FBXL7: variants seen among roughly 807,000 people sequenced by gnomAD.
The protein encoded by FBXL7 is F-box and leucine rich repeat protein 7.
In FBXL7, 12 loss-of-function variants were observed where a neutral mutation model predicts 38.3. The ratio of observed to expected loss-of-function variants is 0.31; its 90% confidence interval spans 0.20 to 0.51. The LOEUF (loss-of-function observed/expected upper bound fraction) is 0.51, where lower values mean the gene tolerates loss of function less well. Ranked by LOEUF, FBXL7 falls within the 20% of genes least tolerant of loss-of-function variation. The pLI is 0.98. For missense variants in FBXL7, 567 were observed against 676.4 expected (o/e 0.84, Z 1.79); for synonymous variants, 297 against 300.9 (o/e 0.99, Z 0.13).
intron 2 of FBXL7, among the ~76,000 whole-genome samples, chr5:15,628,284 T>A (rs1486709525): frequency 6.6e-6 from 1 of 152,162 alleles, no homozygotes; most frequent in Non-Finnish European, 1.5e-5. Context: ...ACCAGATTTC[T>A]CTGCCCAGAA....
intron 2 of FBXL7, among the ~76,000 whole-genome samples, chr5:15,804,302 T>C (rs1737647569): frequency 1.3e-5 from 2 of 151,726 alleles, no homozygotes; most frequent in Non-Finnish European, 2.9e-5. Flanking sequence ...ACCCCATCTT[T>C]ACAAAAAAAT....
intron 2 of FBXL7, among the ~76,000 whole-genome samples, chr5:15,624,499 A>G (rs1263177403): frequency 1.3e-5 from 2 of 152,214 alleles, no homozygotes; most frequent in African/African-American, 2.4e-5. Context: ...ACTCTAGTGT[A>G]TTGACTTTGG....
At chr5:15,517,719 G>A (rs1253809633) in intron 1 of FBXL7, among the ~76,000 whole-genome samples, 3 of 152,202 alleles carry the variant, frequency 2.0e-5, no homozygotes, top group Non-Finnish European at 4.4e-5. Context: ...GTGGATTACA[G>A]GAGTTAAGGG....
At chr5:15,826,779 G>A (rs1371173849) in intron 2 of FBXL7, among the ~76,000 whole-genome samples, 5 of 152,110 alleles carry the variant, frequency 3.3e-5, no homozygotes, top group African/African-American at 4.8e-5. Flanking sequence ...AGACCTAGTC[G>A]TATGCCTAGG....
At chr5:15,789,161 T>C (rs1254101169) in intron 2 of FBXL7, among the ~76,000 whole-genome samples, 1 of 152,142 alleles carries the variant, frequency 6.6e-6, no homozygotes, top group Non-Finnish European at 1.5e-5. Context: ...ATGGCACCTC[T>C]TTAAAAAGGT....
intron 2 of FBXL7, among the ~76,000 whole-genome samples, chr5:15,647,172 A>G (rs1359531715): frequency 6.6e-6 from 1 of 152,234 alleles, no homozygotes; most frequent in Non-Finnish European, 1.5e-5. Flanking sequence ...GTCAGTCATT[A>G]ACATTTATTT....
chr5:15,589,187 G>A (rs1429757276), intron 1 of FBXL7, among the ~76,000 whole-genome samples: 1 of 152,154 alleles, frequency 6.6e-6, no homozygotes, highest in African/African-American at 2.4e-5. Context: ...TTTCTGCCTG[G>A]ACACTGTGGA....
At chr5:15,626,543 C>CGTGTGTGTGTGTGTGT (rs1554010324) in intron 2 of FBXL7, among the ~76,000 whole-genome samples, 16 of 103,672 alleles carry the variant, frequency 1.5e-4, no homozygotes, top group Middle Eastern at 5.6e-3. Context: ...AAATTCGTTT[C>CGTGTGTGTGTGTGTGT]CTGTGTGTGT....
chr5:15,525,301 A>C (rs1050088630), intron 1 of FBXL7, among the ~76,000 whole-genome samples: 12 of 152,176 alleles, frequency 7.9e-5, no homozygotes, highest in Non-Finnish European at 1.6e-4. Flanking sequence ...CAATACTGGG[A>C]AGGCATCTGT....
At chr5:15,522,839 T>TA (rs1346319872) in intron 1 of FBXL7, among the ~76,000 whole-genome samples, 1 of 152,212 alleles carries the variant, frequency 6.6e-6, no homozygotes, top group African/African-American at 2.4e-5. Context: ...GTATAATTCT[T>TA]ACAACATTCT....
At chr5:15,626,779 C>A (rs1288042805) in intron 2 of FBXL7, among the ~76,000 whole-genome samples, 1 of 152,166 alleles carries the variant, frequency 6.6e-6, no homozygotes, top group Non-Finnish European at 1.5e-5. Flanking sequence ...CATTGTATTT[C>A]AGCCATAGAC....
At chr5:15,505,491 G>A (rs2126346724) in intron 1 of FBXL7, among the ~76,000 whole-genome samples, 2 of 152,214 alleles carry the variant, frequency 1.3e-5, no homozygotes, top group African/African-American at 4.8e-5. Flanking sequence ...AACAGATGAA[G>A]GTCCTGTCCT....
intron 2 of FBXL7, among the ~76,000 whole-genome samples, chr5:15,765,571 T>C (rs944758868): frequency 6.6e-6 from 1 of 152,202 alleles, no homozygotes; most frequent in Non-Finnish European, 1.5e-5. Context: ...GCAAGAAACT[T>C]TCTAAAGAAG....
At chr5:15,554,013 A>T (rs1738161254) in intron 1 of FBXL7, among the ~76,000 whole-genome samples, 1 of 152,214 alleles carries the variant, frequency 6.6e-6, no homozygotes, top group South Asian at 2.1e-4. Flanking sequence ...TCACCAGGAA[A>T]AGTGCAGAAA....
intron 2 of FBXL7, among the ~76,000 whole-genome samples, chr5:15,830,424 C>T (rs966257846): frequency 8.6e-5 from 13 of 151,324 alleles, no homozygotes; most frequent in African/African-American, 3.2e-4. Context: ...GCAGAGGTTG[C>T]AGTGAGCCGA....
chr5:15,658,467 G>A (rs1201316005), intron 2 of FBXL7, among the ~76,000 whole-genome samples: 1 of 152,082 alleles, frequency 6.6e-6, no homozygotes, highest in East Asian at 1.9e-4. Context: ...GTGAGTTCTT[G>A]GGAGATCTGA....
chr5:15,918,285 AAG>A (rs1406093752), intron 2 of FBXL7, among the ~76,000 whole-genome samples: 4 of 152,126 alleles, frequency 2.6e-5, no homozygotes, highest in African/African-American at 9.7e-5. Context: ...TTTAAGGAAA[AAG>A]AGGGTACTAA....
chr5:15,561,745 A>T (rs868699706), intron 1 of FBXL7, among the ~76,000 whole-genome samples: 1 of 152,124 alleles, frequency 6.6e-6, no homozygotes, highest in Non-Finnish European at 1.5e-5. Flanking sequence ...GATAACAGCC[A>T]TCCTAACAGG....
intron 2 of FBXL7, among the ~76,000 whole-genome samples, chr5:15,710,839 C>T (rs2126642210): frequency 6.6e-6 from 1 of 152,272 alleles, no homozygotes; most frequent in African/African-American, 2.4e-5. Flanking sequence ...ATCTGTTGAG[C>T]TTCTCTCTCT....
Sources: gnomAD v4.1 joint callset for allele counts (sites outside exome capture counted in the v4.1 genomes callset) on GRCh38, gnomAD v4.1.1 for gene constraint, MANE v1.5 for transcripts, NCBI Gene and HGNC (gene_info 2026-07-23, HGNC 2026-07-21) for gene names.